The following ARK2C variants were observed in gnomAD, a reference collection of about 807,000 sequenced individuals.
The protein encoded by ARK2C is arkadia (RNF111) C-terminal like ring finger ubiquitin ligase 2C.
chr18:46,348,877 C>A, the ARK2C span, among the ~76,000 whole-genome samples: 1 of 150,492 alleles, frequency 6.6e-6, no homozygotes, highest in Non-Finnish European at 1.5e-5. Flanking sequence ...ACTATCTGAC[C>A]ACAGAACTCT....
At chr18:46,414,965 C>A in the ARK2C span, among the ~76,000 whole-genome samples, 3 of 152,204 alleles carry the variant, frequency 2.0e-5, no homozygotes, top group East Asian at 1.9e-4. Context: ...AAGCCGCAGT[C>A]CTGCTGGGCC....
the ARK2C span, among the ~76,000 whole-genome samples, chr18:46,432,000 G>A: frequency 6.6e-6 from 1 of 152,196 alleles, no homozygotes; most frequent in Admixed American, 6.5e-5. Flanking sequence ...GCCTGCTGAT[G>A]TCACCTTTCC....
the ARK2C span, among the ~76,000 whole-genome samples, chr18:46,343,109 C>T: frequency 3.9e-5 from 6 of 152,188 alleles, no homozygotes; most frequent in Non-Finnish European, 8.8e-5. Flanking sequence ...GGTTCTAGGC[C>T]GCTTGGTGCT....
the ARK2C span, among the ~76,000 whole-genome samples, chr18:46,408,445 A>G: frequency 6.6e-6 from 1 of 152,238 alleles, no homozygotes; most frequent in African/African-American, 2.4e-5. Context: ...CAGAATGTCC[A>G]TAGAGGTTAA....
chr18:46,432,724 G>A, the ARK2C span, among the ~76,000 whole-genome samples: 2 of 152,202 alleles, frequency 1.3e-5, no homozygotes, highest in Non-Finnish European at 2.9e-5. Flanking sequence ...TTGGGAGGCC[G>A]AGGCGGGTGG....
the ARK2C span, among the ~76,000 whole-genome samples, chr18:46,429,416 T>C: frequency 6.6e-6 from 1 of 152,226 alleles, no homozygotes; most frequent in Non-Finnish European, 1.5e-5. Context: ...ATTTCTTTCC[T>C]GAAAGACATA....
the ARK2C span, among the ~76,000 whole-genome samples, chr18:46,349,854 C>T: frequency 6.6e-6 from 1 of 152,224 alleles, no homozygotes; most frequent in Non-Finnish European, 1.5e-5. Context: ...TCATCGTGCA[C>T]CCAGATGGTC....
At chr18:46,456,453 T>C in the ARK2C span, 1 of 1,161,460 alleles carries the variant, frequency 8.6e-7, no homozygotes, top group South Asian at 1.3e-5. Context: ...CCTAGGTGTG[T>C]GTCCCTGCTC....
At chr18:46,367,508 G>T in the ARK2C span, among the ~76,000 whole-genome samples, 1 of 152,094 alleles carries the variant, frequency 6.6e-6, no homozygotes, top group Non-Finnish European at 1.5e-5. Context: ...ATTCTTTGAG[G>T]CAGGGTAGAA....
the ARK2C span, among the ~76,000 whole-genome samples, chr18:46,343,899 G>A: frequency 7.2e-5 from 11 of 152,200 alleles, no homozygotes; most frequent in African/African-American, 2.7e-4. Context: ...CAGACACAGG[G>A]CTCCTTGACC....
chr18:46,334,400 C>G, the ARK2C span: 1 of 1,422,138 alleles, frequency 7.0e-7, no homozygotes, highest in Non-Finnish European at 9.5e-7. The surrounding 1 kb of genome is among the most constrained non-coding windows in gnomAD (Gnocchi z 4.4). Flanking sequence ...GGGGCGGGGG[C>G]GGGCGCCGCG....
chr18:46,421,351 C>A, the ARK2C span, among the ~76,000 whole-genome samples: 1 of 151,660 alleles, frequency 6.6e-6, no homozygotes, highest in Non-Finnish European at 1.5e-5. Context: ...TTCCTCCATG[C>A]TCACCTGTTC....
chr18:46,437,156 A>G, the ARK2C span, among the ~76,000 whole-genome samples: 1 of 152,216 alleles, frequency 6.6e-6, no homozygotes, highest in East Asian at 1.9e-4. Flanking sequence ...CTAGCAGGGG[A>G]TGCTAGGAGG....
chr18:46,405,842 T>G, the ARK2C span, among the ~76,000 whole-genome samples: 1 of 152,074 alleles, frequency 6.6e-6, no homozygotes, highest in African/African-American at 2.4e-5. Flanking sequence ...TGAGAGGCAC[T>G]ATTTTCTAGA....
the ARK2C span, among the ~76,000 whole-genome samples, chr18:46,353,084 G>A: frequency 5.3e-5 from 8 of 152,342 alleles, no homozygotes; most frequent in South Asian, 1.7e-3. Flanking sequence ...GGCCTGTGGC[G>A]ATTGGATGTG....
chr18:46,456,134 C>A, the ARK2C span: 1 of 1,050,702 alleles, frequency 9.5e-7, no homozygotes, highest in Non-Finnish European at 1.5e-6. Flanking sequence ...TATTGGTGAC[C>A]AATCACTGCA....
chr18:46,422,901 GGA>G, the ARK2C span, among the ~76,000 whole-genome samples: 1 of 152,170 alleles, frequency 6.6e-6, no homozygotes, highest in Non-Finnish European at 1.5e-5. Flanking sequence ...TCCGCCTACT[GGA>G]AAGACCTTTA....
chr18:46,406,269 T>A, the ARK2C span, among the ~76,000 whole-genome samples: 2 of 152,210 alleles, frequency 1.3e-5, 1 homozygote, highest in Middle Eastern at 6.8e-3. Flanking sequence ...GAGTGGCCAC[T>A]GTCACGGGAC....
the ARK2C span, among the ~76,000 whole-genome samples, chr18:46,442,300 C>T: frequency 3.4e-4 from 52 of 152,106 alleles, no homozygotes; most frequent in East Asian, 6.0e-3. Context: ...CTTCTTAAGG[C>T]GGAAATTTAG....
Sources: allele counts gnomAD v4.1 joint callset (sites outside exome capture counted in the v4.1 genomes callset), GRCh38; gene constraint gnomAD v4.1.1; non-coding constraint Gnocchi (gnomAD v3.1); transcripts MANE v1.5; gene names NCBI Gene and HGNC (gene_info 2026-07-23, HGNC 2026-07-21).